TENM3: variants seen among roughly 807,000 people sequenced by gnomAD.
TENM3 encodes teneurin-3.
In TENM3, 63 loss-of-function variants were observed where a neutral mutation model predicts 255.1. The ratio of observed to expected loss-of-function variants is 0.25; its 90% CI spans 0.20 to 0.30. The LOEUF (loss-of-function observed/expected upper bound fraction) is 0.30, where lower values mean the gene tolerates loss of function less well. Ranked by LOEUF, TENM3 falls within the 10% of genes least tolerant of loss-of-function variation. The pLI is 1.00. For missense variants in TENM3, 2,929 were observed against 3,461.1 expected (o/e 0.85, Z 3.86); for synonymous variants, 1,306 against 1,322.3 (o/e 0.99, Z 0.27).
At chr4:181,732,164 T>C in the TENM3 span, among the ~76,000 whole-genome samples, 1 of 152,234 alleles carries the variant, frequency 6.6e-6, no homozygotes, top group Admixed American at 6.5e-5. Context: ...CCAACAGCAG[T>C]CATGGGTGAT....
the TENM3 span, among the ~76,000 whole-genome samples, chr4:182,098,472 G>T: frequency 1.3e-5 from 2 of 152,126 alleles, no homozygotes; most frequent in African/African-American, 2.4e-5. Flanking sequence ...AGAAAATAGG[G>T]TACATATACA....
chr4:181,808,215 G>A, the TENM3 span, among the ~76,000 whole-genome samples: 1 of 152,132 alleles, frequency 6.6e-6, no homozygotes, highest in Non-Finnish European at 1.5e-5. Context: ...CACCTACATT[G>A]CAGCGAGGTA....
At chr4:182,268,401 C>A (rs1018046669) in intron 1 of TENM3, among the ~76,000 whole-genome samples, 2 of 152,062 alleles carry the variant, frequency 1.3e-5, no homozygotes, top group Non-Finnish European at 2.9e-5. Context: ...AAAAACATTA[C>A]AAAAGATGAG....
chr4:181,797,048 G>GC, the TENM3 span, among the ~76,000 whole-genome samples: 176 of 152,136 alleles, frequency 1.2e-3, 1 homozygote, highest in African/African-American at 4.0e-3. Context: ...CCAGTCCAGG[G>GC]CCCATGTGGT....
chr4:182,584,690 A>T (rs1175431952), intron 3 of TENM3, among the ~76,000 whole-genome samples: 1 of 151,998 alleles, frequency 6.6e-6, no homozygotes, highest in Admixed American at 6.6e-5. Flanking sequence ...CCCAGGCTGG[A>T]GTGCAGTGGT....
the TENM3 span, among the ~76,000 whole-genome samples, chr4:181,553,747 A>C: frequency 1.3e-5 from 2 of 152,102 alleles, no homozygotes; most frequent in Middle Eastern, 3.4e-3. Flanking sequence ...GGCCAATAGA[A>C]GGGTCTTTAT....
rs148243526 is a variant in TENM3, at chr4:182,349,707, A to G, written c.511+2778A>G. 472 of 177,010 alleles carry G rather than the reference A, an allele frequency of 2.7e-3. 2 individuals carry two copies. Among genetic ancestry groups the G allele is most frequent in the African/African-American group, 0.011 (449 of 41,866 alleles). The allele number at this position is 177,010 out of a possible 1,614,324, so 11.0% of individuals were successfully genotyped here. ...GTCAAGTAATTCTAATATAAAGTTA[A>G]CAAAAATAATTCAATTCTACTATCT... is the stretch of plus-strand genomic sequence containing the variant. On this transcript the variant is annotated intron_variant, in intron 3 of 27. Transcript: ENST00000511685.
chr4:182,016,380 T>A, the TENM3 span, among the ~76,000 whole-genome samples: 1 of 152,238 alleles, frequency 6.6e-6, no homozygotes, highest in South Asian at 2.1e-4. Context: ...ATCTTCTTGT[T>A]AGCATGGCAA....
the TENM3 span, among the ~76,000 whole-genome samples, chr4:181,853,961 A>AT: frequency 6.6e-6 from 1 of 152,184 alleles, no homozygotes. Flanking sequence ...ACCTAGCAGG[A>AT]TTTTTTAAAT....
chr4:182,271,756 C>A (rs1200117339), intron 1 of TENM3, among the ~76,000 whole-genome samples: 1 of 152,016 alleles, frequency 6.6e-6, no homozygotes, highest in African/African-American at 2.4e-5. Flanking sequence ...CGTTATTATC[C>A]CTGTATTATA....
the TENM3 span, among the ~76,000 whole-genome samples, chr4:181,855,535 G>A: frequency 6.6e-6 from 1 of 152,226 alleles, no homozygotes; most frequent in East Asian, 1.9e-4. Context: ...AACCCTACAG[G>A]GGTTTGTTTG....
the TENM3 span, among the ~76,000 whole-genome samples, chr4:181,654,536 C>G: frequency 6.6e-6 from 1 of 151,926 alleles, no homozygotes; most frequent in African/African-American, 2.4e-5. Context: ...GGTGGATCAC[C>G]TGAGGTCAGG....
chr4:182,224,076 G>A (rs1196118070), intron 1 of TENM3, among the ~76,000 whole-genome samples: 1 of 152,028 alleles, frequency 6.6e-6, no homozygotes, highest in Non-Finnish European at 1.5e-5. Context: ...ATATATTATC[G>A]AATCATAAAT....
the TENM3 span, chr4:181,877,102 G>A: frequency 6.6e-6 from 1 of 152,044 alleles, no homozygotes; most frequent in Non-Finnish European, 1.5e-5. Context: ...CACATGTCTT[G>A]CCTTCCAGGA....
intron 3 of TENM3, among the ~76,000 whole-genome samples, chr4:182,439,507 T>G (rs1220532017): frequency 2.0e-5 from 3 of 152,250 alleles, no homozygotes; most frequent in African/African-American, 7.2e-5. Context: ...CTGTGACGAT[T>G]AAACAAGGCA....
the TENM3 span, among the ~76,000 whole-genome samples, chr4:182,110,930 G>C: frequency 6.6e-6 from 1 of 152,174 alleles, no homozygotes; most frequent in African/African-American, 2.4e-5. Flanking sequence ...TTTAGACTAT[G>C]ATGTTGTGAA....
chr4:182,638,364 C>G (rs1752020779), intron 5 of TENM3, among the ~76,000 whole-genome samples: 1 of 152,074 alleles, frequency 6.6e-6, no homozygotes, highest in African/African-American at 2.4e-5. Context: ...TGTCTGTATC[C>G]TACATCGCAA....
Position 182,328,084 on chromosome 4 carries a change from C to G in TENM3, c.232+3832C>G, listed in dbSNP as rs1763524640. Among the ~76,000 whole-genome samples, 3 of 152,146 alleles carry G rather than the reference C, an allele frequency of 2.0e-5. 1 individual carries two copies. The South Asian group carries it at 6.2e-4, about 32-fold the overall frequency. On this transcript the variant is annotated intron_variant, in intron 2 of 27. Transcript: ENST00000511685. ...AGCCTGAAAAGAACCACTTTGGGGC[C>G]CTAACCCAAAGTATATAAGAGTTAG...
chr4:181,483,965 T>C, the TENM3 span, among the ~76,000 whole-genome samples: 193 of 152,280 alleles, frequency 1.3e-3, 2 homozygotes, highest in Middle Eastern at 0.01. Context: ...TAAAGCAAAA[T>C]GAAAGGTTCA....
Sources: gnomAD v4.1 joint callset for allele counts (sites outside exome capture counted in the v4.1 genomes callset) on GRCh38, gnomAD v4.1.1 for gene constraint, MANE v1.5 for transcripts, NCBI Gene and HGNC (gene_info 2026-07-23, HGNC 2026-07-21) for gene names.